SV2C: variants seen among roughly 807,000 people sequenced by gnomAD.
SV2C encodes synaptic vesicle glycoprotein 2C, also known as solute carrier family 22 member B3.
A neutral mutation model predicts 79.7 loss-of-function variants in SV2C; 49 were observed. The observed-to-expected ratio is 0.61, with a 90% CI of 0.49 to 0.78. The LOEUF (loss-of-function observed/expected upper bound fraction) is 0.78. SV2C is among the 30% of genes least tolerant of loss of function. The probability of loss-of-function intolerance (pLI) is 0.00; values close to 1 mark genes in which losing one functional copy is unlikely to be tolerated. For synonymous variants in SV2C, 334 were observed against 333.2 expected (o/e 1.00, Z -0.03); for missense variants, 833 against 912.9 (o/e 0.91, Z 1.13).
intron 2 of SV2C, among the ~76,000 whole-genome samples, chr5:76,181,356 C>T (rs1284950147): frequency 6.6e-6 from 1 of 152,228 alleles, no homozygotes; most frequent in Non-Finnish European, 1.5e-5. Context: ...TGGCCTTTTA[C>T]AGAAAGTCTG....
At chr5:75,965,666 T>C in the SV2C span, among the ~76,000 whole-genome samples, 1 of 152,162 alleles carries the variant, frequency 6.6e-6, no homozygotes, top group African/African-American at 2.4e-5. Context: ...AAGAGCACTA[T>C]GGAGTAAGAA....
chr5:76,113,412 T>G (rs1261872666), intron 1 of SV2C, among the ~76,000 whole-genome samples: 1 of 152,188 alleles, frequency 6.6e-6, no homozygotes, highest in African/African-American at 2.4e-5. Flanking sequence ...AAAATAGCTG[T>G]GTGAAGAATG....
rs117856168 is a variant in SV2C, at chr5:76,250,068, G to A, written c.914-35094G>A. On this transcript the variant is annotated intron_variant, in intron 4 of 12. Coordinates refer to ENST00000502798, the MANE Select transcript of SV2C (RefSeq NM_014979.4). ...AATCAGGTGTGAAATTCAAATAATT[G>A]AAGACCTTAATTCTTCATTGTGTAC... Among the ~76,000 whole-genome samples, 156 of 152,236 alleles carry A rather than the reference G, an allele frequency of 1.0e-3. 3 individuals carry two copies. The East Asian group carries it at 0.03, about 29-fold the overall frequency.
intron 4 of SV2C, among the ~76,000 whole-genome samples, chr5:76,220,765 C>T (rs899291276): frequency 1.1e-4 from 17 of 152,132 alleles, no homozygotes; most frequent in African/African-American, 4.1e-4. Flanking sequence ...CAGCGGTCAT[C>T]ATCAAAGGCC....
At chr5:75,954,913 G>T in the SV2C span, among the ~76,000 whole-genome samples, 1 of 146,496 alleles carries the variant, frequency 6.8e-6, no homozygotes, top group African/African-American at 2.7e-5. Context: ...ACAAATGGAA[G>T]AACATTCCAT....
At chr5:75,935,349 A>T in the SV2C span, among the ~76,000 whole-genome samples, 1 of 152,040 alleles carries the variant, frequency 6.6e-6, no homozygotes, top group African/African-American at 2.4e-5. Context: ...TTATATATTG[A>T]GGTAGGAGGG....
intron 2 of SV2C, among the ~76,000 whole-genome samples, chr5:76,138,840 C>T (rs569133906): frequency 1.3e-5 from 2 of 152,280 alleles, no homozygotes; most frequent in South Asian, 2.1e-4. Context: ...TATTTTGGGC[C>T]GGGCACAGCG....
chr5:76,133,076 T>C (rs1337730835), intron 2 of SV2C, among the ~76,000 whole-genome samples: 1 of 152,170 alleles, frequency 6.6e-6, no homozygotes, highest in Non-Finnish European at 1.5e-5. Context: ...AGGTTTATAT[T>C]TTTACAAAGC....
the SV2C span, among the ~76,000 whole-genome samples, chr5:76,010,963 C>G: frequency 6.6e-6 from 1 of 152,098 alleles, no homozygotes; most frequent in African/African-American, 2.4e-5. Context: ...GTAGAGAAAC[C>G]CATTGCTAGC....
intron 6 of SV2C, among the ~76,000 whole-genome samples, chr5:76,287,512 C>T (rs908681109): frequency 1.1e-4 from 16 of 152,186 alleles, no homozygotes; most frequent in African/African-American, 3.1e-4. Context: ...GAAACCCTCC[C>T]TCCGGACACT....
chr5:75,926,602 C>T, the SV2C span, among the ~76,000 whole-genome samples: 6 of 152,104 alleles, frequency 3.9e-5, no homozygotes, highest in African/African-American at 1.4e-4. Flanking sequence ...GGCTCTGAAT[C>T]CAAGCCACTA....
At position 76,291,881 on chromosome 5, in the gene SV2C, A is replaced by G. The variant is rs756916364; in HGVS notation, c.1337+25A>G. ...GGTAAGTGATATTTAAATTCTTGGC[A>G]AGCAAAATCGTTCAATGTCCACATT... On this transcript the variant is annotated intron_variant, in intron 8 of 12. Transcript: ENST00000502798. 26 of 1,549,358 alleles carry G rather than the reference A, an allele frequency of 1.7e-5. 1 individual carries two copies. In the East Asian group the frequency reaches 5.4e-4, roughly 32 times the overall value.
At chr5:76,156,214 A>G (rs191300116) in intron 2 of SV2C, among the ~76,000 whole-genome samples, 3 of 152,316 alleles carry the variant, frequency 2.0e-5, no homozygotes, top group African/African-American at 7.2e-5. Context: ...TTAATTCAAC[A>G]GCTAGGAATG....
chr5:75,851,154 C>T, the SV2C span, among the ~76,000 whole-genome samples: 7 of 152,166 alleles, frequency 4.6e-5, no homozygotes, highest in African/African-American at 9.7e-5. Context: ...TTCAGCTACA[C>T]GGGATGACCC....
chr5:75,957,130 C>G, the SV2C span, among the ~76,000 whole-genome samples: 32 of 152,054 alleles, frequency 2.1e-4, no homozygotes, highest in African/African-American at 7.7e-4. Flanking sequence ...GATTTATTCA[C>G]TTACTGAGGA....
chr5:76,177,725 C>T (rs1293171875), intron 2 of SV2C, among the ~76,000 whole-genome samples: 1 of 151,910 alleles, frequency 6.6e-6, no homozygotes, highest in Non-Finnish European at 1.5e-5. Flanking sequence ...TCTCACACTC[C>T]TGTGTGACTT....
the SV2C span, among the ~76,000 whole-genome samples, chr5:76,074,747 C>T: frequency 3.3e-5 from 5 of 152,200 alleles, no homozygotes; most frequent in Admixed American, 3.3e-4. Context: ...CCTGGGGCAG[C>T]TTCTTCCCTT....
chr5:76,109,070 T>G (rs1189244934), intron 1 of SV2C, among the ~76,000 whole-genome samples: 1 of 152,146 alleles, frequency 6.6e-6, no homozygotes, highest in Non-Finnish European at 1.5e-5. Flanking sequence ...GAGGAGGAGA[T>G]TCAGAAGAAG....
In SV2C at chr5:76,145,021, G is replaced by A. The variant is rs536076478; in HGVS notation, c.580+12691G>A. Among the ~76,000 whole-genome samples, 90 of 152,354 alleles carry A rather than the reference G, an allele frequency of 5.9e-4. 1 individual carries two copies. Among genetic ancestry groups the A allele is most frequent in the African/African-American group, 2.1e-3 (87 of 41,590 alleles). ...CCAAGAGAAGAGCTCACACAGAGCAGAACTAAGCTACAGCCACCAGGGATT... is the reference window on the plus strand; with the variant it reads ...CCAAGAGAAGAGCTCACACAGAGCAAAACTAAGCTACAGCCACCAGGGATT... On this transcript the variant is annotated intron_variant, in intron 2 of 12. Coordinates refer to ENST00000502798, the MANE Select transcript of SV2C (RefSeq NM_014979.4).
Sources: gnomAD v4.1 joint callset for allele counts (sites outside exome capture counted in the v4.1 genomes callset) on GRCh38, gnomAD v4.1.1 for gene constraint, MANE v1.5 for transcripts, NCBI Gene and HGNC (gene_info 2026-07-23, HGNC 2026-07-21) for gene names.